The following VEGFD variants were observed in gnomAD, a reference collection of about 807,000 sequenced individuals.
The protein encoded by VEGFD is c-fos induced growth factor (vascular endothelial growth factor D).
Under a neutral mutation model 28.0 loss-of-function variants are expected in VEGFD, and 26 were observed. That is an observed-to-expected ratio of 0.93 (90% CI 0.68 to 1.29). The LOEUF (loss-of-function observed/expected upper bound fraction) is 1.29, where lower values mean the gene tolerates loss of function less well. Among genes scored for constraint, VEGFD ranks in the 50% most tolerant of loss-of-function variants. The probability of loss-of-function intolerance (pLI) is 0.00; values close to 1 mark genes in which losing one functional copy is unlikely to be tolerated. For synonymous variants in VEGFD, 93 were observed against 95.5 expected (o/e 0.97, Z 0.15); for missense variants, 294 against 273.4 (o/e 1.08, Z -0.53).
intron 1 of VEGFD, among the ~76,000 whole-genome samples, chrX:15,379,673 A>C (rs1206958332): frequency 8.9e-6 from 1 of 112,363 alleles, no homozygotes; most frequent in East Asian, 2.8e-4. Flanking sequence ...AGTTGAGCCT[A>C]GAAATGTTCT....
chrX:15,358,217 T>C, intron 2 of VEGFD, 24 bp from the exon 3 acceptor site: 2 of 1,177,041 alleles, frequency 1.7e-6, no homozygotes. Flanking sequence ...GAAAGCTCAC[T>C]GGGGCTAGCA....
intron 1 of VEGFD, among the ~76,000 whole-genome samples, chrX:15,365,466 A>G (rs763884175): frequency 1.8e-5 from 2 of 111,983 alleles, no homozygotes; most frequent in African/African-American, 3.2e-5. Context: ...AGAGCTGTCA[A>G]ACTATGACCT....
At chrX:15,349,042 G>A (rs1922621537) in intron 5 of VEGFD, among the ~76,000 whole-genome samples, 1 of 112,419 alleles carries the variant, frequency 8.9e-6, no homozygotes, top group South Asian at 3.6e-4. Flanking sequence ...TGTAATGCAC[G>A]ACGTTTGAGA....
At chrX:15,383,175 T>C (rs1456908004) in intron 1 of VEGFD, among the ~76,000 whole-genome samples, 2 of 112,069 alleles carry the variant, frequency 1.8e-5, no homozygotes, top group East Asian at 5.6e-4. Context: ...GCTTAAAATA[T>C]ATATAATCCA....
intron 1 of VEGFD, among the ~76,000 whole-genome samples, chrX:15,381,549 A>C (rs942877149): frequency 1.8e-5 from 2 of 110,815 alleles, no homozygotes; most frequent in African/African-American, 6.5e-5. Flanking sequence ...AAAACAAAAA[A>C]TTCAAATACC....
rs780041076 is a variant in VEGFD at position 15,368,082 on chromosome X, GAAAA to G, written c.91-4767_91-4764del. On this transcript the variant is annotated intron_variant, in intron 1 of 6. Transcript: ENST00000297904. The stretch of plus-strand genomic sequence containing the variant: ...GAAAGGAAAGAAAGAAAGAAAGAAA[GAAAA>G]GAAAGAAAGAAAGAAAAGAAGGAAA... Among the ~76,000 whole-genome samples, 343 of 83,491 alleles carry G rather than the reference GAAAA, an allele frequency of 4.1e-3. 4 individuals carry two copies. Among genetic ancestry groups the G allele is most frequent in the African/African-American group, 7.1e-3 (157 of 22,140 alleles). 72.5% of individuals were successfully genotyped at this position (83,491 alleles called of 115,157 possible). A position where few individuals can be genotyped will look rare whatever the true frequency, so the allele number is the denominator to read the frequency against.
rs530004925 is a variant in VEGFD at position 15,380,047 on chromosome X, A to C, written c.90+3810T>G. On this transcript the variant is annotated intron_variant, in intron 1 of 6. Coordinates refer to ENST00000297904, the MANE Select transcript of VEGFD (RefSeq NM_004469.5). Reference sequence around the variant, plus strand: ...TAACTGGATTAAAACAGATGTGTATAGAAGCATATAATTCAACACACTTAA... The same window carrying C: ...TAACTGGATTAAAACAGATGTGTATCGAAGCATATAATTCAACACACTTAA... 6.3e-4 allele frequency among the ~76,000 whole-genome samples: 71 copies of C among 112,694 alleles called. No individual in the cohort carries two copies. The South Asian group carries it at 0.024, about 38-fold the overall frequency.
chrX:15,378,796 A>T (rs1250348591), intron 1 of VEGFD, among the ~76,000 whole-genome samples: 1 of 109,180 alleles, frequency 9.2e-6, no homozygotes, highest in Non-Finnish European at 1.9e-5. Context: ...GGTTGAAACA[A>T]TTTTTTTTTT....
At position 15,345,949 on chromosome X, in the gene VEGFD, A is replaced by G. The variant is rs1014494496; in HGVS notation, c.*184T>C. 5 of 478,540 alleles carry G rather than the reference A, an allele frequency of 1.0e-5. No individual in the cohort carries two copies. The highest frequency in any genetic ancestry group is 3.8e-5 in the Admixed American group (1 of 26,002). 39.4% of individuals were successfully genotyped at this position (478,540 alleles called of 1,213,427 possible). On this transcript the variant is annotated 3_prime_UTR_variant, in exon 7 of 7. Coordinates refer to ENST00000297904, the MANE Select transcript of VEGFD (RefSeq NM_004469.5). The stretch of plus-strand genomic sequence containing the variant: ...TTGGTGCGCAGAGGCATCTGCAGCT[A>G]GAAGACATCCATCAATGAACCAGGG...
intron 2 of VEGFD, among the ~76,000 whole-genome samples, chrX:15,359,716 C>A (rs915438197): frequency 4.5e-5 from 5 of 111,606 alleles, no homozygotes; most frequent in Non-Finnish European, 9.4e-5. Flanking sequence ...CTTGAGGCAG[C>A]CTCTGGCCAA....
At chrX:15,380,775 T>C (rs186078118) in intron 1 of VEGFD, among the ~76,000 whole-genome samples, 25 of 112,794 alleles carry the variant, frequency 2.2e-4, no homozygotes, top group African/African-American at 7.4e-4. Context: ...TGTAGATACT[T>C]ATTTACCAAA....
chrX:15,347,623 T>G (rs1922588109), intron 5 of VEGFD: 1 of 251,418 alleles, frequency 4.0e-6, no homozygotes, highest in Non-Finnish European at 7.0e-6. Flanking sequence ...TTTTTAGAGA[T>G]TTTTATGTTG....
In VEGFD at chrX:15,363,094, C is replaced by T. The variant is rs200507847; in HGVS notation, c.301+15G>A. 5.2e-4 allele frequency: 626 copies of T among 1,197,265 alleles called. 2 individuals carry two copies. The highest frequency in any genetic ancestry group is 6.7e-4 in the Non-Finnish European group (591 of 883,783). Reference sequence around the variant, plus strand: ...AATAAAGAGAAAGAATTTGTCTCCACATCCACACACCTACCTTTTAGTGTT... The same window carrying T: ...AATAAAGAGAAAGAATTTGTCTCCATATCCACACACCTACCTTTTAGTGTT... On this transcript the variant is annotated intron_variant, in intron 2 of 6. Transcript: ENST00000297904.
At chrX:15,374,606 G>A (rs1442247369) in intron 1 of VEGFD, among the ~76,000 whole-genome samples, 2 of 111,725 alleles carry the variant, frequency 1.8e-5, no homozygotes, top group Admixed American at 9.5e-5. Flanking sequence ...GATAACGTAA[G>A]TGAATTTTTG....
At chrX:15,349,474 CTGA>C (rs1457239321) in intron 5 of VEGFD, among the ~76,000 whole-genome samples, 1 of 112,162 alleles carries the variant, frequency 8.9e-6, no homozygotes, top group Non-Finnish European at 1.9e-5. Context: ...CCTAGAGAGT[CTGA>C]TGATATGTTC....
chrX:15,347,354 A>C lies in VEGFD; in HGVS notation c.748T>G (p.Ser250Ala). 1 of 1,198,363 alleles carries C rather than the reference A, an allele frequency of 8.3e-7. No individual in the cohort carries two copies. Among genetic ancestry groups the C allele is most frequent in the East Asian group, 3.0e-5 (1 of 33,546 alleles). Residue 250 changes from serine (S) to alanine (A), a missense_variant, in exon 6 of 7, where the codon TCT becomes GCT. Physicochemically the swap from Ser to Ala is moderately conservative, Grantham distance 99 (BLOSUM62 1). Transcript: ENST00000297904. ...CAGAGAGCTGGTTCCTGGAGATGAG[A>C]GTGGTCTAAAGAGAAACAGAAACGT... ...ENPLAGTEDH[S>A]HLQEPALCGP...
At chrX:15,368,035 G>GAAAGAAAGAAAGAAAGAAAGGAAAGAAGA (rs778478507) in intron 1 of VEGFD, among the ~76,000 whole-genome samples, 3 of 37,430 alleles carry the variant, frequency 8.0e-5, no homozygotes, top group African/African-American at 3.4e-4. Flanking sequence ...AGAAAGGAAA[G>GAAAGAAAGAAAGAAAGAAAGGAAAGAAGA]AAGAAAGAAA....
intron 2 of VEGFD, among the ~76,000 whole-genome samples, chrX:15,361,228 C>A (rs149756395): frequency 8.9e-6 from 1 of 112,163 alleles, no homozygotes; most frequent in African/African-American, 3.2e-5. Flanking sequence ...TTTATGGTAA[C>A]GTTCATGTTC....
chrX:15,365,527 T>C (rs1287928367), intron 1 of VEGFD, among the ~76,000 whole-genome samples: 1 of 112,241 alleles, frequency 8.9e-6, no homozygotes, highest in African/African-American at 3.2e-5. Flanking sequence ...TCAAGTTGTA[T>C]TGACACACAG....
Sources: gnomAD v4.1 joint callset for allele counts (sites outside exome capture counted in the v4.1 genomes callset) on GRCh38, gnomAD v4.1.1 for gene constraint, MANE v1.5 for transcripts, NCBI Gene and HGNC (gene_info 2026-07-23, HGNC 2026-07-21) for gene names.